Variants in VPS13B observed in about 807,000 individuals in gnomAD.
VPS13B encodes intermembrane lipid transfer protein VPS13B.
In VPS13B, 285 loss-of-function variants were observed where a neutral mutation model predicts 426.4. The observed-to-expected ratio is 0.67, with a 90% CI of 0.61 to 0.74. VPS13B has a LOEUF of 0.74. Among genes scored for constraint, VPS13B ranks in the 30% least tolerant of loss-of-function variants. The pLI, the probability that VPS13B is intolerant of heterozygous loss-of-function variation, is 0.00. For synonymous variants in VPS13B, 1,676 were observed against 1,676.4 expected, an observed-to-expected ratio of 1.00 and a Z score of 0.01; for missense variants, 4,537 against 4,782.6, an observed-to-expected ratio of 0.95 and a Z score of 1.51.
At chr8:99,034,861 G>A (rs746135981) in intron 2 of VPS13B, among the ~76,000 whole-genome samples, 1 of 150,414 alleles carries the variant, frequency 6.6e-6, no homozygotes, top group Non-Finnish European at 1.5e-5. Flanking sequence ...ATGCGCGCGC[G>A]TGTGTGTGTG....
intron 39 of VPS13B, among the ~76,000 whole-genome samples, chr8:99,728,904 A>C (rs1833471204): frequency 6.6e-6 from 1 of 151,920 alleles, no homozygotes; most frequent in Admixed American, 6.6e-5. Flanking sequence ...GGGAATATTC[A>C]CTCGCTATTG....
chr8:99,365,983 T>A (rs74604330), intron 19 of VPS13B, among the ~76,000 whole-genome samples: 1 of 151,938 alleles, frequency 6.6e-6, no homozygotes, highest in African/African-American at 2.4e-5. Flanking sequence ...TTTTTTTTTT[T>A]AATGTTTTAA....
chr8:99,336,767 G>C (rs1043893714), intron 19 of VPS13B, among the ~76,000 whole-genome samples: 24 of 152,092 alleles, frequency 1.6e-4, no homozygotes, highest in Admixed American at 2.0e-4. Context: ...AAAAAATGCT[G>C]ACTATCACTG....
chr8:99,563,191 C>T (rs775183682), intron 31 of VPS13B, among the ~76,000 whole-genome samples: 9 of 152,186 alleles, frequency 5.9e-5, no homozygotes, highest in Non-Finnish European at 1.3e-4. Flanking sequence ...ATAAAAAACA[C>T]AGACTTTTGA....
chr8:99,636,780 T>TA (rs1829088461), intron 33 of VPS13B, among the ~76,000 whole-genome samples: 4 of 152,062 alleles, frequency 2.6e-5, no homozygotes, highest in Admixed American at 2.6e-4. Context: ...TCTTCTTCGA[T>TA]ACAGTAATAT....
At chr8:99,036,488 C>T (rs1210022031) in intron 2 of VPS13B, among the ~76,000 whole-genome samples, 1 of 152,180 alleles carries the variant, frequency 6.6e-6, no homozygotes, top group East Asian at 1.9e-4. Context: ...ATTTGTGTTT[C>T]ACCTTTTACT....
At chr8:99,122,018 A>AT (rs34171446) in intron 8 of VPS13B, among the ~76,000 whole-genome samples, 2,970 of 140,216 alleles carry the variant, frequency 0.021, 101 homozygotes, top group African/African-American at 0.07. Context: ...TGCCCAGCTA[A>AT]TTTTTTTTTT....
chr8:99,660,307 A>T (rs565889730), intron 34 of VPS13B, among the ~76,000 whole-genome samples: 8 of 152,356 alleles, frequency 5.3e-5, no homozygotes, highest in African/African-American at 1.9e-4. Context: ...TATGACAGCA[A>T]TACTAAATAA....
intron 21 of VPS13B, among the ~76,000 whole-genome samples, chr8:99,406,162 C>A (rs1249395701): frequency 9.2e-5 from 14 of 151,978 alleles, no homozygotes; most frequent in Non-Finnish European, 2.9e-5. Context: ...CTGTACCACT[C>A]ACCCAGGATT....
At chr8:99,384,129 C>A in intron 19 of VPS13B, 79 bp from the exon 20 acceptor site, 2 of 1,157,412 alleles carry the variant, frequency 1.7e-6, no homozygotes, top group African/African-American at 1.5e-5. Context: ...TCATAGCTAT[C>A]CTACATGGTG....
At chr8:99,659,590 T>C (rs1296117255) in intron 34 of VPS13B, among the ~76,000 whole-genome samples, 1 of 152,214 alleles carries the variant, frequency 6.6e-6, no homozygotes, top group Non-Finnish European at 1.5e-5. Context: ...TAGAAAAATG[T>C]AGAAAGTTGA....
chr8:99,360,216 T>C (rs892412136), intron 19 of VPS13B, among the ~76,000 whole-genome samples: 571 of 18,080 alleles, frequency 0.032, 29 homozygotes, highest in Middle Eastern at 0.067. Context: ...CTCTCTTTCT[T>C]TCTTTCTTTC....
chr8:99,807,504 G>A (rs1446279069), intron 43 of VPS13B, among the ~76,000 whole-genome samples: 2 of 151,366 alleles, frequency 1.3e-5, no homozygotes, highest in Non-Finnish European at 2.9e-5. Context: ...TGTGTACCCT[G>A]AGCTTGATTC....
intron 17 of VPS13B, among the ~76,000 whole-genome samples, chr8:99,224,858 A>G (rs2132839309): frequency 6.6e-6 from 1 of 152,252 alleles, no homozygotes; most frequent in South Asian, 2.1e-4. Context: ...CATTGTGGGA[A>G]GCATACAAAT....
chr8:99,630,951 CAA>C (rs1455415953), intron 33 of VPS13B, among the ~76,000 whole-genome samples: 1 of 151,766 alleles, frequency 6.6e-6, no homozygotes, highest in Admixed American at 6.6e-5. Flanking sequence ...ATGGGGGCCA[CAA>C]AAGTTTATTT....
chr8:99,431,979 A>G (rs1227184026), intron 22 of VPS13B, among the ~76,000 whole-genome samples: 1 of 152,040 alleles, frequency 6.6e-6, no homozygotes, highest in African/African-American at 2.4e-5. Flanking sequence ...ATATAGTTCC[A>G]TTCTTATCTC....
rs947856205 is a variant in VPS13B at position 99,246,531 on chromosome 8, T to C, written c.2516-27667T>C. On this transcript the variant is annotated intron_variant, in intron 17 of 61. Transcript: ENST00000357162. ...AGAGACTGTCTTGCAAAGCCTAAAA[T>C]ATTTATTATTTAACCCATTATAAAA... Among the ~76,000 whole-genome samples, 5 of 152,302 alleles carry C rather than the reference T, an allele frequency of 3.3e-5. No homozygotes were observed. In the South Asian group the frequency reaches 8.3e-4, roughly 25 times the overall value.
At chr8:99,821,103 AACACACACACACACACACAC>A (rs755074579) in intron 49 of VPS13B, among the ~76,000 whole-genome samples, 171 bp from the exon 50 acceptor site, 203 of 78,358 alleles carry the variant, frequency 2.6e-3, no homozygotes, top group African/African-American at 5.9e-3. Context: ...GTCATTACAA[AACACACACACACACACACAC>A]ACACACACAC....
chr8:99,465,684 G>A (rs1039423258), intron 23 of VPS13B, among the ~76,000 whole-genome samples: 39 of 152,134 alleles, frequency 2.6e-4, no homozygotes, highest in African/African-American at 8.4e-4. Flanking sequence ...AAATTTGGCA[G>A]AGCCTTTATT....
Sources: gnomAD v4.1 joint callset for allele counts (sites outside exome capture counted in the v4.1 genomes callset) on GRCh38, gnomAD v4.1.1 for gene constraint, MANE v1.5 for transcripts, NCBI Gene and HGNC (gene_info 2026-07-23, HGNC 2026-07-21) for gene names.